Variants in TRIM11 observed in about 807,000 individuals in gnomAD.
TRIM11 encodes the protein E3 ubiquitin-protein ligase TRIM11.
A neutral mutation model predicts 33.4 loss-of-function variants in TRIM11; 15 were observed. The observed-to-expected ratio is 0.45, with a 90% CI of 0.30 to 0.69. TRIM11 has a LOEUF of 0.69. Ranked by LOEUF, TRIM11 falls within the 30% of genes least tolerant of loss-of-function variation. The pLI, the probability that TRIM11 is intolerant of heterozygous loss-of-function variation, is 0.08. For missense variants in TRIM11, 499 were observed against 667.6 expected (o/e 0.75, Z 2.78); for synonymous variants, 281 against 302.6 (o/e 0.93, Z 0.74).
chr1:228,396,509 TA>T, intron 5 of TRIM11: 1 of 600,556 alleles, frequency 1.7e-6, no homozygotes, highest in Non-Finnish European at 3.0e-6. Context: ...TGACAGTAAG[TA>T]AAGTGCTCTT....
Position 228,395,731 on chromosome 1 carries a change from T to A in TRIM11, c.860-479A>T, listed in dbSNP as rs1305701974. 6.5e-6 allele frequency: 1 copy of A among 152,962 alleles called. No homozygotes were observed. The highest frequency in any genetic ancestry group is 1.5e-5 in the Non-Finnish European group (1 of 68,652). The allele number at this position is 152,962 out of a possible 1,614,324, so 9.5% of individuals were successfully genotyped here. A position where few individuals can be genotyped will look rare whatever the true frequency, so the allele number is the denominator to read the frequency against. On this transcript the variant is annotated intron_variant, in intron 5 of 5. Transcript: ENST00000284551. This position sits in a 1 kb window ranked among gnomAD's most constrained non-coding sequence, Gnocchi z 4.8. ...TGTAGAGATGGGAGTCTTGCTATGT[T>A]TCCCGGGTTGGTCTTGAACTGATGG...
chr1:228,406,809 GATGCCGGCAGGAAGAGGAGC>G lies in TRIM11; in HGVS notation c.-268_-249del, dbSNP rs1656440326. ...GGGGACGCGGGACGTAGGGATCCCG[GATGCCGGCAGGAAGAGGAGC>G]CGAGGCGGAAGCAGGAAGCGACTGG... is the stretch of plus-strand genomic sequence containing the variant. On this transcript the variant is annotated 5_prime_UTR_variant, in exon 1 of 6. Coordinates refer to ENST00000284551, the MANE Select transcript of TRIM11 (RefSeq NM_145214.3). The surrounding 1 kb of genome is among the most constrained non-coding windows in gnomAD (Gnocchi z 8.2). 3.4e-6 allele frequency: 1 copy of G among 293,746 alleles called. No homozygotes were observed. Among genetic ancestry groups the G allele is most frequent in the African/African-American group, 2.3e-5 (1 of 43,862 alleles). 18.2% of individuals were successfully genotyped at this position (293,746 alleles called of 1,614,324 possible).
chr1:228,401,148 C>T lies in TRIM11; in HGVS notation c.551G>A (p.Arg184His), dbSNP rs767652971. The T allele has an allele frequency of 4.3e-5, 70 of 1,613,472 alleles. No homozygotes were observed. The Admixed American group carries it at 9.3e-4, about 22-fold the overall frequency. The stretch of plus-strand genomic sequence containing the variant: ...CTCCTCTGCCAGCAAACGGCGAAGA[C>T]GCTCGAACTCACCCAGCACGTTCTG... ...QRQNVLGEFERLRRLLAEEEQ... is the reference protein window; with the variant it reads ...QRQNVLGEFEHLRRLLAEEEQ... The change falls in exon 3 of 6, where the codon CGT becomes CAT. Residue 184 changes from arginine to histidine, a missense_variant. Arg to His is a conservative substitution (Grantham distance 29, BLOSUM62 0). Transcript: ENST00000284551. This position sits in a 1 kb window ranked among gnomAD's most constrained non-coding sequence, Gnocchi z 6.1.
At position 228,406,199 on chromosome 1, in the gene TRIM11, C is replaced by T. The variant is rs917790725; in HGVS notation, c.363G>A (p.Trp121Ter). 2.1e-6 allele frequency: 3 copies of T among 1,458,652 alleles called. No homozygotes were observed. Among genetic ancestry groups the T allele is most frequent in the Non-Finnish European group, 2.7e-6 (3 of 1,114,734 alleles). 90.4% of individuals were successfully genotyped at this position (1,458,652 alleles called of 1,614,324 possible). ...CAACERSGEH[W>*]AHRVRPLQDA... Reference sequence around the variant, plus strand: ...CCTGCAGCGGCCGCACGCGGTGCGCCCAGTGCTCCCCAGAGCGCTCGCAGG... The same window carrying T: ...CCTGCAGCGGCCGCACGCGGTGCGCTCAGTGCTCCCCAGAGCGCTCGCAGG... The change falls in exon 1 of 6, where the codon TGG becomes TGA. Residue 121 changes from tryptophan to a stop codon, truncating the protein, a stop_gained. Transcript: ENST00000284551. LOFTEE classifies it high-confidence loss of function. This position sits in a 1 kb window ranked among gnomAD's most constrained non-coding sequence, Gnocchi z 8.2.
Position 228,406,084 on chromosome 1 carries a change from C to A in TRIM11, c.408+70G>T. The A allele has an allele frequency of 8.5e-4, 707 of 836,430 alleles. No homozygotes were observed. The highest frequency in any genetic ancestry group is 1.2e-3 in the Middle Eastern group (3 of 2,590). 51.8% of individuals were successfully genotyped at this position (836,430 alleles called of 1,614,324 possible). On this transcript the variant is annotated intron_variant, in intron 1 of 5. Coordinates refer to ENST00000284551, the MANE Select transcript of TRIM11 (RefSeq NM_145214.3). This position sits in a 1 kb window ranked among gnomAD's most constrained non-coding sequence, Gnocchi z 8.2. ...ACTCCCGGAGCAGTCCCCCAAACCT[C>A]CCACCCGCCCAGGCCTCCCCAGTCC...
At position 228,394,618 on chromosome 1, in the gene TRIM11, C is replaced by T; in HGVS notation, c.*87G>A. 1.4e-6 allele frequency: 2 copies of T among 1,402,294 alleles called. No homozygotes were observed. The highest frequency in any genetic ancestry group is 1.9e-6 in the Non-Finnish European group (2 of 1,047,436). The allele number at this position is 1,402,294 out of a possible 1,614,324, so 86.9% of individuals were successfully genotyped here. On this transcript the variant is annotated 3_prime_UTR_variant, in exon 6 of 6. Transcript: ENST00000284551. This position sits in a 1 kb window ranked among gnomAD's most constrained non-coding sequence, Gnocchi z 6.2. ...CTCCTCTTGCTCAAAGGACACACTC[C>T]CTCCTCCCAGGTCCTCCAAGTGGCC...
At position 228,401,486 on chromosome 1, in the gene TRIM11, G is replaced by A. The variant is rs929879315; in HGVS notation, c.505-292C>T. Among the ~76,000 whole-genome samples the A allele has an allele frequency of 3.9e-5, 6 of 151,964 alleles. No individual in the cohort carries two copies. The highest frequency in any genetic ancestry group is 1.2e-4 in the African/African-American group (5 of 41,342). On this transcript the variant is annotated intron_variant, in intron 2 of 5. Coordinates refer to ENST00000284551, the MANE Select transcript of TRIM11 (RefSeq NM_145214.3). This position sits in a 1 kb window ranked among gnomAD's most constrained non-coding sequence, Gnocchi z 6.1. ...TGGCTAGACCCCAAATCTAAACCCA[G>A]GGCCGACTAGATCCCAAATCCACTA...
Position 228,395,287 on chromosome 1 carries a change from C to A in TRIM11, c.860-35G>T. The A allele has an allele frequency of 7.0e-7, 1 of 1,419,658 alleles. No homozygotes were observed. Among genetic ancestry groups the A allele is most frequent in the Non-Finnish European group, 9.2e-7 (1 of 1,090,600 alleles). 87.9% of individuals were successfully genotyped at this position (1,419,658 alleles called of 1,614,324 possible). ...GAGGCCCAAGGTCACCCAGGCACAG[C>A]CACAGGCAAGCTGGGGCCATCTGCC... On this transcript the variant is annotated intron_variant, in intron 5 of 5. Transcript: ENST00000284551. The surrounding 1 kb of genome is among the most constrained non-coding windows in gnomAD (Gnocchi z 4.8).
At chr1:228,405,916 A>T (rs1480671474) in intron 1 of TRIM11, 12 of 407,024 alleles carry the variant, frequency 2.9e-5, no homozygotes, top group Non-Finnish European at 5.1e-5. Context: ...GCAGGGTCTC[A>T]TTGGCGGCCA....
Position 228,406,067 on chromosome 1 carries a change from A to G in TRIM11, c.408+87T>C. On this transcript the variant is annotated intron_variant, in intron 1 of 5. Transcript: ENST00000284551. This position sits in a 1 kb window ranked among gnomAD's most constrained non-coding sequence, Gnocchi z 8.2. ...CTAGACAGAGACAGATTACTCCCGG[A>G]GCAGTCCCCCAAACCTCCCACCCGC... is the stretch of plus-strand genomic sequence containing the variant. 7.7e-7 allele frequency: 1 copy of G among 1,291,376 alleles called. No homozygotes were observed. The highest frequency in any genetic ancestry group is 9.9e-7 in the Non-Finnish European group (1 of 1,010,856). The allele number at this position is 1,291,376 out of a possible 1,614,324, so 80.0% of individuals were successfully genotyped here. A position where few individuals can be genotyped will look rare whatever the true frequency, so the allele number is the denominator to read the frequency against.
At chr1:228,402,010 A>G in intron 2 of TRIM11, 56 bp downstream of exon 2, 2 of 1,490,254 alleles carry the variant, frequency 1.3e-6, no homozygotes, top group South Asian at 1.2e-5. Context: ...GGTCTCCTAT[A>G]CAGGACCTTC....
rs558523154 is a variant in TRIM11, at chr1:228,400,688, G to A, written c.735+276C>T. 2.0e-5 allele frequency among the ~76,000 whole-genome samples: 3 copies of A among 152,288 alleles called. No individual in the cohort carries two copies. The East Asian group carries it at 5.8e-4, about 29-fold the overall frequency. On this transcript the variant is annotated intron_variant, in intron 3 of 5. Transcript: ENST00000284551. The surrounding 1 kb of genome is among the most constrained non-coding windows in gnomAD (Gnocchi z 4.5). ...AGTGTCAGTCAGGACGAGATGGAGT[G>A]ACCTTATGTAATCACTTAAGAAACA...
At chr1:228,399,183 G>A (rs2075010596) in intron 3 of TRIM11, among the ~76,000 whole-genome samples, 1 of 152,066 alleles carries the variant, frequency 6.6e-6, no homozygotes, top group South Asian at 2.1e-4. Flanking sequence ...CCCAACCGGG[G>A]GCCAAGGGTG....
chr1:228,405,332 C>A (rs1656366248), intron 1 of TRIM11: 1 of 152,298 alleles, frequency 6.6e-6, no homozygotes, highest in Non-Finnish European at 1.5e-5. Context: ...ACTGCCTTAA[C>A]TGCTCATCTG....
chr1:228,397,556 G>C (rs575340534), intron 3 of TRIM11: 20 of 214,184 alleles, frequency 9.3e-5, no homozygotes, highest in African/African-American at 4.6e-4. Context: ...ACCCCAGCTG[G>C]AGCCCAACCC....
chr1:228,403,339 G>A lies in TRIM11; in HGVS notation c.409-1178C>T, dbSNP rs185930913. 5 of 152,364 alleles carry A rather than the reference G, an allele frequency of 3.3e-5. No homozygotes were observed. The East Asian group carries it at 7.7e-4, about 24-fold the overall frequency. The allele number at this position is 152,364 out of a possible 1,614,324, so 9.4% of individuals were successfully genotyped here. ...CTGGGAGGGTCCAGAAGTCTGCCCC[G>A]GTAGCAGAGCCAGGACTTCAGCCCA... is the stretch of plus-strand genomic sequence containing the variant. On this transcript the variant is annotated intron_variant, in intron 1 of 5. Coordinates refer to ENST00000284551, the MANE Select transcript of TRIM11 (RefSeq NM_145214.3). This position sits in a 1 kb window ranked among gnomAD's most constrained non-coding sequence, Gnocchi z 4.8.
Position 228,396,960 on chromosome 1 carries a change from C to T in TRIM11, c.846G>A (p.Leu282=). 6.2e-7 allele frequency: 1 copy of T among 1,614,146 alleles called. No homozygotes were observed. The change falls in exon 5 of 6, where the codon CTG becomes CTA. Residue 282 remains leucine (L), a synonymous_variant. Transcript: ENST00000284551. ...VCRVPGLVET[L]RRFRGDVTLD... ...CTCCACACCTACCTCGAAACCTCCG[C>T]AGTGTCTCTACCAGTCCCGGGACCC...
intron 1 of TRIM11, chr1:228,402,502 A>G: frequency 4.8e-6 from 1 of 207,100 alleles, no homozygotes; most frequent in South Asian, 7.6e-5. Context: ...CTGGCTCTGA[A>G]GGTGCTGAGC....
At chr1:228,396,706 G>A (rs773941320) in intron 5 of TRIM11, 3 of 717,818 alleles carry the variant, frequency 4.2e-6, no homozygotes, top group Middle Eastern at 2.3e-4. Flanking sequence ...TCTGTTCAAT[G>A]CTGAATGGAA....
Sources: gnomAD v4.1 joint callset for allele counts (sites outside exome capture counted in the v4.1 genomes callset) on GRCh38, gnomAD v4.1.1 for gene constraint, Gnocchi (gnomAD v3.1) non-coding constraint, MANE v1.5 for transcripts, NCBI Gene and HGNC (gene_info 2026-07-23, HGNC 2026-07-21) for gene names.